The following ATP9B variants were observed in gnomAD, a reference collection of about 807,000 sequenced individuals.
ATP9B encodes probable phospholipid-transporting ATPase IIB.
A neutral mutation model predicts 146.1 loss-of-function variants in ATP9B; 110 were observed. The ratio of observed to expected loss-of-function variants is 0.75; its 90% CI spans 0.65 to 0.88. The LOEUF (loss-of-function observed/expected upper bound fraction) is 0.88, where lower values mean the gene tolerates loss of function less well. ATP9B is among the 40% of genes least tolerant of loss of function. The pLI, the probability that ATP9B is intolerant of heterozygous loss-of-function variation, is 0.00. For synonymous variants in ATP9B, 604 were observed against 569.7 expected (o/e 1.06, Z -0.86); for missense variants, 1,499 against 1,496.4 (o/e 1.00, Z -0.03).
At chr18:79,079,381 G>A (rs140425831) in intron 1 of ATP9B, among the ~76,000 whole-genome samples, 118 of 152,302 alleles carry the variant, frequency 7.7e-4, no homozygotes, top group African/African-American at 2.8e-3. Flanking sequence ...GTATCTCATT[G>A]TGGTTTTGAT....
Position 79,176,893 on chromosome 18 carries a change from C to G in ATP9B, c.859C>G (p.Leu287Val). 6.2e-7 allele frequency: 1 copy of G among 1,614,066 alleles called. No individual in the cohort carries two copies. Among genetic ancestry groups the G allele is most frequent in the Non-Finnish European group, 8.5e-7 (1 of 1,179,928 alleles). ...LKVAVSCTQQ[L>V]PALGDLFSIS... ...GGTGGCAGTGAGCTGCACGCAACAG[C>G]TGCCGGCTCTGGGGGTGAGCAGCAC... Residue 287 changes from leucine (L) to valine (V), a missense_variant, in exon 8 of 30, where the codon CTG becomes GTG. By Grantham distance (32) the Leu-to-Val change is conservative. Coordinates refer to ENST00000426216, the MANE Select transcript of ATP9B (RefSeq NM_198531.5).
At chr18:79,180,958 C>T (rs960489753) in intron 8 of ATP9B, among the ~76,000 whole-genome samples, 1 of 149,910 alleles carries the variant, frequency 6.7e-6, no homozygotes, top group Admixed American at 6.7e-5. Context: ...CCACGCCCGG[C>T]TAATTTTTGT....
rs969887285 is a variant in ATP9B, at chr18:79,300,610, C to T, written c.1412-2994C>T. Among the ~76,000 whole-genome samples the T allele has an allele frequency of 1.3e-4, 20 of 152,194 alleles. 1 individual carries two copies. Among genetic ancestry groups the T allele is most frequent in the Non-Finnish European group, 2.9e-5 (2 of 68,026 alleles). ...GAGCCCGGGGCTGCGGGGCCGTGGA[C>T]AACAGCACCTCACATCCCAGAGGGA... On this transcript the variant is annotated intron_variant, in intron 13 of 29. Transcript: ENST00000426216.
intron 2 of ATP9B, among the ~76,000 whole-genome samples, chr18:79,102,034 C>G (rs1416646577): frequency 1.3e-5 from 2 of 152,182 alleles, no homozygotes; most frequent in Admixed American, 1.3e-4. Context: ...CAACTTCCGC[C>G]TCCTGGGTCC....
At chr18:79,229,899 T>G (rs555457572) in intron 11 of ATP9B, among the ~76,000 whole-genome samples, 2 of 152,344 alleles carry the variant, frequency 1.3e-5, no homozygotes, top group African/African-American at 4.8e-5. Context: ...ATATACACTT[T>G]GAATCATTTT....
At chr18:79,197,066 G>GTCACCA (rs1217039951) in intron 9 of ATP9B, among the ~76,000 whole-genome samples, 1 of 152,082 alleles carries the variant, frequency 6.6e-6, no homozygotes, top group East Asian at 1.9e-4. Context: ...ACCAAAAGTT[G>GTCACCA]AACATACATT....
chr18:79,303,490 G>T, intron 13 of ATP9B, 114 bp from the exon 14 acceptor site: 1 of 702,832 alleles, frequency 1.4e-6, no homozygotes. Flanking sequence ...TATACAGTTG[G>T]GCATCCCAGC....
chr18:79,356,367 G>A (rs1209178021), intron 25 of ATP9B, among the ~76,000 whole-genome samples: 3 of 152,050 alleles, frequency 2.0e-5, no homozygotes, highest in East Asian at 1.9e-4. Context: ...GCTCCTGGGC[G>A]TTTATACCAT....
rs199793187 is a variant in ATP9B, at chr18:79,348,159, G to C, written c.2866G>C (p.Ala956Pro). The change falls in exon 25 of 30, where the codon GCA (alanine) becomes CCA (proline). Residue 956 changes from alanine to proline, a missense_variant. By Grantham distance (27) the Ala-to-Pro change is conservative. Transcript: ENST00000426216. ...TGTGTTTTCCTCAGTCTTCTACTTCGCATCCGTCCCTTTGTATCAGGGCTT... is the reference window on the plus strand; with the variant it reads ...TGTGTTTTCCTCAGTCTTCTACTTCCCATCCGTCCCTTTGTATCAGGGCTT... ...QAVFSSVFYF[A>P]SVPLYQGFLM... 8.7e-6 allele frequency: 14 copies of C among 1,609,284 alleles called. No homozygotes were observed. In the Admixed American group the frequency reaches 2.4e-4, roughly 27 times the overall value.
At chr18:79,218,116 A>G (rs1270121569) in intron 11 of ATP9B, among the ~76,000 whole-genome samples, 1 of 152,166 alleles carries the variant, frequency 6.6e-6, no homozygotes, top group East Asian at 1.9e-4. Context: ...TGTGTTTCTC[A>G]TGTTCCAGGT....
At chr18:79,330,709 A>C (rs975577808) in intron 17 of ATP9B, among the ~76,000 whole-genome samples, 1 of 152,208 alleles carries the variant, frequency 6.6e-6, no homozygotes, top group African/African-American at 2.4e-5. Flanking sequence ...CACCATGCCC[A>C]GCCAATAATT....
intron 26 of ATP9B, among the ~76,000 whole-genome samples, chr18:79,370,913 T>G (rs1350993620): frequency 6.6e-6 from 1 of 152,188 alleles, no homozygotes; most frequent in Non-Finnish European, 1.5e-5. Context: ...CCTTTTACAG[T>G]TTTTGAATAA....
At chr18:79,237,696 G>C (rs572765985) in intron 11 of ATP9B, among the ~76,000 whole-genome samples, 3 of 149,530 alleles carry the variant, frequency 2.0e-5, no homozygotes, top group South Asian at 4.2e-4. Context: ...TTTTGGGGGG[G>C]GGTGGGGGAA....
At position 79,176,795 on chromosome 18, in the gene ATP9B, T is replaced by C. The variant is rs199701174; in HGVS notation, c.779-18T>C. The C allele has an allele frequency of 5.5e-5, 88 of 1,610,632 alleles. No homozygotes were observed. The East Asian group carries it at 2.0e-3, about 36-fold the overall frequency. ...GTAACAATTCAAGAGTGGTAAATTTTTATTCTCTACTTCCAAGGTTCGTGT... is the reference window on the plus strand; with the variant it reads ...GTAACAATTCAAGAGTGGTAAATTTCTATTCTCTACTTCCAAGGTTCGTGT... On this transcript the variant is annotated intron_variant, in intron 7 of 29. Coordinates refer to ENST00000426216, the MANE Select transcript of ATP9B (RefSeq NM_198531.5).
At chr18:79,370,515 C>G (rs1360587191) in intron 26 of ATP9B, among the ~76,000 whole-genome samples, 1 of 152,142 alleles carries the variant, frequency 6.6e-6, no homozygotes, top group Non-Finnish European at 1.5e-5. Context: ...AACATGAAAC[C>G]CATAGTGAAT....
At chr18:79,161,644 C>T (rs933864578) in intron 7 of ATP9B, among the ~76,000 whole-genome samples, 16 of 152,104 alleles carry the variant, frequency 1.1e-4, no homozygotes, top group African/African-American at 3.6e-4. Context: ...GTCAGGAGAT[C>T]GAGACCATCC....
chr18:79,295,120 AC>A (rs2096538598), intron 13 of ATP9B, among the ~76,000 whole-genome samples: 7 of 152,124 alleles, frequency 4.6e-5, no homozygotes, highest in African/African-American at 1.7e-4. Flanking sequence ...AGACACACAC[AC>A]ACACACAGCA....
intron 13 of ATP9B, among the ~76,000 whole-genome samples, chr18:79,293,169 T>TA (rs2096524118): frequency 6.6e-6 from 1 of 151,336 alleles, no homozygotes; most frequent in Non-Finnish European, 1.5e-5. Context: ...GTTGGATACT[T>TA]ATCCCACTTG....
chr18:79,126,634 A>G (rs1357024545), intron 5 of ATP9B, among the ~76,000 whole-genome samples: 1 of 152,192 alleles, frequency 6.6e-6, no homozygotes, highest in Non-Finnish European at 1.5e-5. Flanking sequence ...ATGTACATGT[A>G]TTACTAATAA....
Sources: gnomAD v4.1 joint callset for allele counts (sites outside exome capture counted in the v4.1 genomes callset) on GRCh38, gnomAD v4.1.1 for gene constraint, MANE v1.5 for transcripts, NCBI Gene and HGNC (gene_info 2026-07-23, HGNC 2026-07-21) for gene names.